BNC2: variants seen among roughly 807,000 people sequenced by gnomAD.
BNC2 encodes the protein basonuclin zinc finger protein 2.
Under a neutral mutation model 76.3 loss-of-function variants are expected in BNC2, and 20 were observed. That is an observed-to-expected ratio of 0.26 (90% CI 0.18 to 0.38). BNC2 has a LOEUF of 0.38. BNC2 is among the 10% of genes least tolerant of loss of function. BNC2 has a pLI of 1.00. For synonymous variants in BNC2, 582 were observed against 514.8 expected, an observed-to-expected ratio of 1.13 and a Z score of -1.77; for missense variants, 1,382 against 1,399.8, an observed-to-expected ratio of 0.99 and a Z score of 0.20.
intron 1 of BNC2, among the ~76,000 whole-genome samples, chr9:16,779,478 A>G (rs1826064453): frequency 6.6e-6 from 1 of 152,144 alleles, no homozygotes; most frequent in South Asian, 2.1e-4. Context: ...TACCTTAACG[A>G]CTAACAAGCT....
At chr9:16,561,056 T>C (rs771939990) in intron 4 of BNC2, among the ~76,000 whole-genome samples, 6 of 151,930 alleles carry the variant, frequency 3.9e-5, no homozygotes, top group Admixed American at 6.6e-5. Flanking sequence ...CTGGCGAATA[T>C]AGTGAAACCA....
At chr9:16,602,158 T>C (rs1820260761) in intron 3 of BNC2, among the ~76,000 whole-genome samples, 1 of 152,202 alleles carries the variant, frequency 6.6e-6, no homozygotes, top group South Asian at 2.1e-4. Flanking sequence ...ATGGTAATTG[T>C]AACTGAACTG....
At position 16,410,564 on chromosome 9, in the gene BNC2, G is replaced by C. The variant is rs1206302548; in HGVS notation, c.*8425C>G. 1.3e-5 allele frequency: 2 copies of C among 152,600 alleles called. No homozygotes were observed. The highest frequency in any genetic ancestry group is 6.5e-5 in the Admixed American group (1 of 15,292). The allele number at this position is 152,600 out of a possible 1,614,324, so 9.5% of individuals were successfully genotyped here. ...CACCATATACTAGAAATCTTAGATA[G>C]TCTTATCAGGTTAAGATATAATACT... On this transcript the variant is annotated 3_prime_UTR_variant, in exon 7 of 7. Coordinates refer to ENST00000380672, the MANE Select transcript of BNC2 (RefSeq NM_017637.6).
intron 1 of BNC2, among the ~76,000 whole-genome samples, chr9:16,856,869 A>C (rs7031867): frequency 2.6e-5 from 4 of 152,196 alleles, no homozygotes; most frequent in Admixed American, 2.0e-4. Context: ...AGATGGTGAA[A>C]TGTGTATTAC....
At chr9:16,520,392 A>C (rs1339232376) in intron 5 of BNC2, among the ~76,000 whole-genome samples, 1 of 152,244 alleles carries the variant, frequency 6.6e-6, no homozygotes, top group Non-Finnish European at 1.5e-5. Context: ...AAAGAAAAGC[A>C]GGAATGGTTA....
intron 1 of BNC2, among the ~76,000 whole-genome samples, chr9:16,838,775 T>G (rs112237509): frequency 3.5e-4 from 54 of 152,308 alleles, no homozygotes; most frequent in African/African-American, 1.2e-3. Context: ...ATTTCAACTA[T>G]GGATTCAACA....
intron 6 of BNC2, among the ~76,000 whole-genome samples, chr9:16,423,007 C>T (rs976552128): frequency 6.6e-6 from 1 of 152,172 alleles, no homozygotes; most frequent in Non-Finnish European, 1.5e-5. Context: ...CTCTCACCTA[C>T]TGATAATCAG....
At chr9:16,663,014 T>C (rs1382994836) in intron 3 of BNC2, among the ~76,000 whole-genome samples, 2 of 152,170 alleles carry the variant, frequency 1.3e-5, no homozygotes, top group Non-Finnish European at 2.9e-5. Flanking sequence ...ATACCCTTTC[T>C]GATTATCTCA....
intron 3 of BNC2, among the ~76,000 whole-genome samples, chr9:16,657,283 A>C (rs1821957213): frequency 6.6e-6 from 1 of 152,212 alleles, no homozygotes; most frequent in Non-Finnish European, 1.5e-5. Context: ...GAAAACAAGG[A>C]GTCAGAAAAA....
At chr9:16,568,227 T>C (rs897423878) in intron 4 of BNC2, among the ~76,000 whole-genome samples, 2 of 152,140 alleles carry the variant, frequency 1.3e-5, no homozygotes, top group Non-Finnish European at 2.9e-5. Flanking sequence ...AACACACGTC[T>C]TTAGGGATTG....
At chr9:16,678,857 C>G (rs933189597) in intron 3 of BNC2, among the ~76,000 whole-genome samples, 7 of 152,134 alleles carry the variant, frequency 4.6e-5, no homozygotes, top group African/African-American at 1.7e-4. Flanking sequence ...GAGATGTCTC[C>G]TTCGGTAGTG....
At position 16,811,062 on chromosome 9, in the gene BNC2, C is replaced by T. The variant is rs189963738; in HGVS notation, c.3+59584G>A. On this transcript the variant is annotated intron_variant, in intron 1 of 6. Transcript: ENST00000380672. ...TGAAACCCCGTCTCTACTAAAAATA[C>T]AAAAAATTAGCCAGGCATGGTGGCG... Among the ~76,000 whole-genome samples the T allele has an allele frequency of 1.4e-3, 213 of 151,650 alleles. 3 individuals are homozygous for T. The East Asian group carries it at 0.033, about 23-fold the overall frequency.
intron 3 of BNC2, among the ~76,000 whole-genome samples, chr9:16,667,102 C>T (rs1346470265): frequency 6.8e-6 from 1 of 146,418 alleles, no homozygotes; most frequent in Non-Finnish European, 1.5e-5. Flanking sequence ...CACACACACA[C>T]ACACACGCAC....
chr9:16,468,442 C>T (rs1821743450), intron 5 of BNC2, among the ~76,000 whole-genome samples: 1 of 151,922 alleles, frequency 6.6e-6, no homozygotes, highest in Admixed American at 6.6e-5. Flanking sequence ...TGTCACCAGG[C>T]TGGAGTACAG....
intron 5 of BNC2, among the ~76,000 whole-genome samples, chr9:16,522,401 G>A (rs1446308931): frequency 1.3e-5 from 2 of 152,166 alleles, no homozygotes; most frequent in African/African-American, 2.4e-5. Context: ...AAGAAATACC[G>A]GCATCTGGTC....
chr9:16,430,197 A>G (rs1376212655), intron 6 of BNC2, among the ~76,000 whole-genome samples: 2 of 150,274 alleles, frequency 1.3e-5, no homozygotes, highest in Non-Finnish European at 1.5e-5. Flanking sequence ...GTAGCAGGGA[A>G]AAAAAAAAAA....
At chr9:16,757,918 A>C (rs931010184) in intron 1 of BNC2, among the ~76,000 whole-genome samples, 6 of 152,196 alleles carry the variant, frequency 3.9e-5, no homozygotes, top group African/African-American at 1.2e-4. Context: ...ACACAAAGCA[A>C]GGTATATTAG....
intron 1 of BNC2, among the ~76,000 whole-genome samples, chr9:16,852,613 T>A (rs776700630): frequency 6.6e-6 from 1 of 152,004 alleles, no homozygotes; most frequent in Non-Finnish European, 1.5e-5. Context: ...ATAAACTACA[T>A]GTAAATAAAA....
chr9:16,729,593 G>A (rs1824448160), intron 2 of BNC2, among the ~76,000 whole-genome samples: 1 of 152,108 alleles, frequency 6.6e-6, no homozygotes, highest in Admixed American at 6.5e-5. Context: ...CTCAAAAGAA[G>A]CAAATTCAAT....
Sources: gnomAD v4.1 joint callset for allele counts (sites outside exome capture counted in the v4.1 genomes callset) on GRCh38, gnomAD v4.1.1 for gene constraint, MANE v1.5 for transcripts, NCBI Gene and HGNC (gene_info 2026-07-23, HGNC 2026-07-21) for gene names.